The following CHD9 variants were observed in gnomAD, a reference collection of about 807,000 sequenced individuals.
The protein encoded by CHD9 is ATP-dependent chromatin remodeler CHD9.
In CHD9, 77 loss-of-function variants were observed where a neutral mutation model predicts 316.1. The observed-to-expected ratio is 0.24, with a 90% CI of 0.20 to 0.29. The LOEUF (loss-of-function observed/expected upper bound fraction) is 0.29. Ranked by LOEUF, CHD9 falls within the 10% of genes least tolerant of loss-of-function variation. The pLI, the probability that CHD9 is intolerant of heterozygous loss-of-function variation, is 1.00. For synonymous variants in CHD9, 1,129 were observed against 1,158.3 expected, an observed-to-expected ratio of 0.97 and a Z score of 0.51; for missense variants, 2,763 against 3,438.1, an observed-to-expected ratio of 0.80 and a Z score of 4.91.
intron 27 of CHD9, among the ~76,000 whole-genome samples, chr16:53,289,860 C>G (rs2054183948): frequency 6.6e-6 from 1 of 152,084 alleles, no homozygotes; most frequent in Admixed American, 6.6e-5. Context: ...TGTAAATCTG[C>G]CCTGTAAGGT....
At chr16:53,083,153 G>A (rs2035176445) in intron 1 of CHD9, among the ~76,000 whole-genome samples, 1 of 152,230 alleles carries the variant, frequency 6.6e-6, no homozygotes, top group African/African-American at 2.4e-5. Context: ...GGAGGGTATT[G>A]TATTTCCTGA....
intron 2 of CHD9, among the ~76,000 whole-genome samples, chr16:53,160,611 G>A (rs2041838436): frequency 6.6e-6 from 1 of 151,724 alleles, no homozygotes; most frequent in African/African-American, 2.4e-5. Context: ...TTGACTTACT[G>A]AAAGTCTATT....
chr16:53,165,431 G>A (rs1451756912), intron 2 of CHD9, among the ~76,000 whole-genome samples: 1 of 152,094 alleles, frequency 6.6e-6, no homozygotes, highest in Admixed American at 6.6e-5. Context: ...ATTTTAGCAA[G>A]ACTCAAAAAC....
Position 53,209,802 on chromosome 16 carries a change from G to A in CHD9, c.1773G>A (p.Lys591=). 1 of 1,562,878 alleles carries A rather than the reference G, an allele frequency of 6.4e-7. No homozygotes were observed. Among genetic ancestry groups the A allele is most frequent in the Non-Finnish European group, 8.7e-7 (1 of 1,155,834 alleles). The change falls in exon 3 of 39, where the codon AAG becomes AAA. Residue 591 remains lysine, a synonymous_variant. Coordinates refer to ENST00000447540, the MANE Select transcript of CHD9 (RefSeq NM_001308319.2). The part of the protein sequence containing the change: ...KTKTCSKLKE[K]TKIGKLIITL... ...AAACATGTTCTAAGTTAAAAGAGAA[G>A]ACAAAAATTGGGTAAGTTGGTTAAG...
At chr16:53,226,667 A>G (rs1290884386) in intron 5 of CHD9, among the ~76,000 whole-genome samples, 155 bp downstream of exon 5, 2 of 152,000 alleles carry the variant, frequency 1.3e-5, no homozygotes, top group Non-Finnish European at 2.9e-5. Context: ...AAACCTAGGG[A>G]TTCATTCTCT....
chr16:53,110,899 G>A (rs1361407116), intron 1 of CHD9, among the ~76,000 whole-genome samples: 2 of 152,224 alleles, frequency 1.3e-5, no homozygotes, highest in Non-Finnish European at 2.9e-5. Flanking sequence ...TCTGGGTGCA[G>A]CATGGAACAT....
In CHD9 at chr16:53,308,730, G is replaced by T; in HGVS notation, c.7098G>T (p.Gln2366His). The T allele has an allele frequency of 6.2e-7, 1 of 1,613,320 alleles. No individual in the cohort carries two copies. The highest frequency in any genetic ancestry group is 2.2e-5 in the East Asian group (1 of 44,838). Residue 2366 changes from glutamine to histidine, a missense_variant, in exon 34 of 39, where the codon CAG becomes CAT. This residue lies in a region of CHD9 where 663 missense variants were observed against 751.2 expected (regional missense o/e 0.88). Coordinates refer to ENST00000447540, the MANE Select transcript of CHD9 (RefSeq NM_001308319.2). ...KLTFQKQGLA[Q>H]KRPFDGEDGA... ...CATTTCAGAAGCAAGGGCTTGCTCA[G>T]AAAAGACCATTTGATGGTGAAGACG...
In CHD9 at chr16:53,146,413, G is replaced by GTATATATATATATA. The variant is rs1361043895; in HGVS notation, c.-164-9512_-164-9511insATATATATATATAT. ...CTCAAAAAAAAAAAATTGTGTGTGT[G>GTATATATATATATA]TGTATGTATATATATATATATATAA... On this transcript the variant is annotated intron_variant, in intron 1 of 38. Transcript: ENST00000447540. 1.1e-3 allele frequency among the ~76,000 whole-genome samples: 27 copies of GTATATATATATATA among 24,482 alleles called. 2 individuals are homozygous for GTATATATATATATA. Among genetic ancestry groups the GTATATATATATATA allele is most frequent in the African/African-American group, 4.4e-3 (17 of 3,852 alleles). The allele number at this position is 24,482 out of a possible 152,430, so 16.1% of individuals were successfully genotyped here.
intron 20 of CHD9, among the ~76,000 whole-genome samples, chr16:53,265,273 G>A (rs1246246386): frequency 4.6e-5 from 7 of 152,094 alleles, no homozygotes; most frequent in East Asian, 3.9e-4. Context: ...GTGATTGTGC[G>A]TGCCTGTAAT....
intron 29 of CHD9, among the ~76,000 whole-genome samples, chr16:53,295,259 TG>T (rs2054674330): frequency 2.6e-5 from 4 of 152,210 alleles, no homozygotes; most frequent in African/African-American, 9.6e-5. Context: ...CCTGAGTGGC[TG>T]GCACTACAGG....
intron 22 of CHD9, among the ~76,000 whole-genome samples, chr16:53,273,100 C>G (rs375396831): frequency 6.6e-6 from 1 of 151,020 alleles, no homozygotes; most frequent in African/African-American, 2.4e-5. Flanking sequence ...AAAAACAAAA[C>G]AAAACAACAA....
At position 53,268,100 on chromosome 16, in the gene CHD9, A is replaced by T; in HGVS notation, c.4691A>T (p.Gln1564Leu). Residue 1564 changes from glutamine to leucine, a missense_variant, in exon 22 of 39, where the codon CAG (glutamine) becomes CTG (leucine). Transcript: ENST00000447540. ...WDLITPTEDG[Q>L]TRELQNHLGL... is the part of the protein sequence containing the mutation. ...CTCATTACTCCAACTGAAGATGGAC[A>T]GACACGAGAGCTACAGAATCATCTA... 6.2e-7 allele frequency: 1 copy of T among 1,610,658 alleles called. No individual in the cohort carries two copies. The highest frequency in any genetic ancestry group is 8.5e-7 in the Non-Finnish European group (1 of 1,178,036).
chr16:53,318,167 C>T (rs1446762582), intron 36 of CHD9, 45 bp from the exon 37 acceptor site: 2 of 1,504,170 alleles, frequency 1.3e-6, no homozygotes, highest in Non-Finnish European at 1.8e-6. Context: ...AATTGTTTTG[C>T]ACAGTTAAAG....
chr16:53,210,880 T>C (rs2046280901), intron 3 of CHD9, among the ~76,000 whole-genome samples: 1 of 152,082 alleles, frequency 6.6e-6, no homozygotes, highest in African/African-American at 2.4e-5. Context: ...TCTCTTGTTA[T>C]AATAGATTAA....
chr16:53,319,094 G>A (rs962642465), intron 37 of CHD9, among the ~76,000 whole-genome samples: 9 of 152,150 alleles, frequency 5.9e-5, no homozygotes, highest in Non-Finnish European at 1.2e-4. Flanking sequence ...GGATTAATAT[G>A]TTTCTCTTTT....
intron 3 of CHD9, 49 bp from the exon 4 acceptor site, chr16:53,222,595 A>T: frequency 1.2e-6 from 1 of 854,454 alleles, no homozygotes; most frequent in Non-Finnish European, 1.9e-6. Context: ...AATCAAATTT[A>T]GGAAAATTCA....
intron 1 of CHD9, among the ~76,000 whole-genome samples, chr16:53,145,670 C>T (rs965741063): frequency 6.6e-6 from 1 of 151,848 alleles, no homozygotes; most frequent in Admixed American, 6.6e-5. Context: ...TGCACCATTG[C>T]ACTCCAGCCT....
At chr16:53,094,981 C>G (rs1024328221) in intron 1 of CHD9, among the ~76,000 whole-genome samples, 2 of 152,130 alleles carry the variant, frequency 1.3e-5, no homozygotes, top group African/African-American at 2.4e-5. Context: ...GGGTTATTCA[C>G]AATATTTGAC....
intron 2 of CHD9, among the ~76,000 whole-genome samples, chr16:53,205,433 T>C (rs894751547): frequency 2.0e-5 from 3 of 151,982 alleles, no homozygotes; most frequent in Middle Eastern, 3.4e-3. Context: ...AAACCAAAAA[T>C]ACAATTAAGT....
Sources: gnomAD v4.1 joint callset for allele counts (sites outside exome capture counted in the v4.1 genomes callset) on GRCh38, gnomAD v4.1.1 for gene constraint, gnomAD v4.1.1 regional missense constraint, MANE v1.5 for transcripts, NCBI Gene and HGNC (gene_info 2026-07-23, HGNC 2026-07-21) for gene names.